PRELID2: variants seen among roughly 807,000 people sequenced by gnomAD.
The protein encoded by PRELID2 is PRELI domain-containing protein 2.
In PRELID2, 25 loss-of-function variants were observed where a neutral mutation model predicts 28.4. The observed-to-expected ratio is 0.88, with a 90% CI of 0.64 to 1.23. The LOEUF is 1.23. Among genes scored for constraint, PRELID2 ranks in the 50% most tolerant of loss-of-function variants. The probability of loss-of-function intolerance (pLI) is 0.00; values close to 1 mark genes in which losing one functional copy is unlikely to be tolerated. For synonymous variants in PRELID2, 76 were observed against 71.6 expected (o/e 1.06, Z -0.31); for missense variants, 201 against 214.4 (o/e 0.94, Z 0.39).
the PRELID2 span, among the ~76,000 whole-genome samples, chr5:145,261,625 G>A: frequency 5.4e-4 from 82 of 152,222 alleles, no homozygotes; most frequent in African/African-American, 1.7e-3. Context: ...AGGAATTCCC[G>A]TCCTTAAAGG....
At chr5:145,569,681 AAAGT>A (rs1753000679) in intron 1 of PRELID2, among the ~76,000 whole-genome samples, 1 of 152,258 alleles carries the variant, frequency 6.6e-6, no homozygotes, top group East Asian at 1.9e-4. Flanking sequence ...AGGGAGAAAG[AAAGT>A]ATTTGTTGAA....
At chr5:145,729,538 C>T (rs1421868096) in intron 1 of PRELID2, among the ~76,000 whole-genome samples, 1 of 152,056 alleles carries the variant, frequency 6.6e-6, no homozygotes. Context: ...TCACCCTCTA[C>T]ATAATAAATG....
At chr5:145,511,776 T>C (rs1472312211) in intron 1 of PRELID2, among the ~76,000 whole-genome samples, 2 of 152,186 alleles carry the variant, frequency 1.3e-5, no homozygotes, top group African/African-American at 4.8e-5. Context: ...GAAGACCACC[T>C]GGTAACAACT....
At chr5:145,711,632 G>T (rs1405855090) in intron 1 of PRELID2, among the ~76,000 whole-genome samples, 2 of 152,132 alleles carry the variant, frequency 1.3e-5, no homozygotes, top group Non-Finnish European at 2.9e-5. Flanking sequence ...CCCTGAGTTT[G>T]CAGGTGTGTA....
chr5:145,820,080 A>G, intron 2 of PRELID2, 62 bp from the exon 3 acceptor site: 1 of 1,025,672 alleles, frequency 9.7e-7, no homozygotes, highest in Admixed American at 2.3e-5. Flanking sequence ...TCTTAGTGTC[A>G]ATAAATCTTG....
chr5:145,413,908 T>C, the PRELID2 span, among the ~76,000 whole-genome samples: 6 of 152,220 alleles, frequency 3.9e-5, no homozygotes, highest in Non-Finnish European at 7.3e-5. Context: ...TATTTTATTG[T>C]GTCTATATAA....
At chr5:145,455,768 T>C in the PRELID2 span, among the ~76,000 whole-genome samples, 1 of 152,192 alleles carries the variant, frequency 6.6e-6, no homozygotes, top group African/African-American at 2.4e-5. Context: ...TGTATAGGAA[T>C]GCTTGTGATT....
chr5:145,450,281 C>A, the PRELID2 span, among the ~76,000 whole-genome samples: 7 of 152,244 alleles, frequency 4.6e-5, no homozygotes, highest in South Asian at 8.3e-4. Flanking sequence ...ACAGACACAA[C>A]TGAACTCAAG....
the PRELID2 span, among the ~76,000 whole-genome samples, chr5:145,352,398 GC>G: frequency 6.6e-6 from 1 of 152,156 alleles, no homozygotes; most frequent in Non-Finnish European, 1.5e-5. Context: ...TGAAGCAACA[GC>G]CTGAGCTGTA....
chr5:145,744,132 T>A (rs906541754), intron 1 of PRELID2, among the ~76,000 whole-genome samples: 17 of 152,152 alleles, frequency 1.1e-4, no homozygotes, highest in African/African-American at 4.1e-4. Context: ...CTGCAGGAAC[T>A]CCAGTAACTC....
At chr5:145,654,562 G>C (rs1754357633) in intron 1 of PRELID2, among the ~76,000 whole-genome samples, 1 of 152,168 alleles carries the variant, frequency 6.6e-6, no homozygotes, top group Non-Finnish European at 1.5e-5. Flanking sequence ...GATCAACTGG[G>C]CTTCAGCCCT....
At chr5:145,625,957 C>A (rs1359250688) in intron 1 of PRELID2, among the ~76,000 whole-genome samples, 1 of 152,114 alleles carries the variant, frequency 6.6e-6, no homozygotes, top group East Asian at 1.9e-4. Flanking sequence ...ATAAATGGTA[C>A]TTGGAAAATG....
chr5:145,647,360 C>T (rs908972141), intron 1 of PRELID2, among the ~76,000 whole-genome samples: 1 of 152,178 alleles, frequency 6.6e-6, no homozygotes, highest in Non-Finnish European at 1.5e-5. Context: ...ATGGTCGACG[C>T]ACCTCCCCCC....
At position 145,569,374 on chromosome 5, in the gene PRELID2, T is replaced by C. The variant is rs116569799; in HGVS notation, n.71-96059A>G. 4.8e-3 allele frequency among the ~76,000 whole-genome samples: 726 copies of C among 152,358 alleles called. 7 individuals are homozygous for C. The highest frequency in any genetic ancestry group is 0.017 in the African/African-American group (698 of 41,586). On this transcript the variant is annotated intron_variant and non_coding_transcript_variant, in intron 1 of 2. Transcript: ENST00000510259. ...TCTGGGTGGATCCAGCCCTTAATTG[T>C]AATTTTTAAAGGAATATAACATAAT...
chr5:145,251,241 G>A, the PRELID2 span, among the ~76,000 whole-genome samples: 1 of 152,048 alleles, frequency 6.6e-6, no homozygotes, highest in Non-Finnish European at 1.5e-5. Flanking sequence ...TCCAGGCTAG[G>A]ATCATATGGA....
At chr5:145,777,974 T>C (rs998210879) in intron 5 of PRELID2, among the ~76,000 whole-genome samples, 6 of 152,190 alleles carry the variant, frequency 3.9e-5, no homozygotes, top group Non-Finnish European at 7.4e-5. Context: ...GACAGGTTCC[T>C]GGACGGAAGG....
Position 145,697,033 on chromosome 5 carries a change from TTATATATATATATATATATATATATA to T in PRELID2, n.70+67872_70+67897del, listed in dbSNP as rs36117637. ...AGTGGATGTAGGAAAGAGAGGAAAA[TTATATATATATATATATATATATATA>T]TATATATATATATATATATATACAC... On this transcript the variant is annotated intron_variant and non_coding_transcript_variant, in intron 1 of 2. Coordinates refer to the PRELID2 transcript ENST00000510259. 2.8e-3 allele frequency among the ~76,000 whole-genome samples: 140 copies of T among 50,656 alleles called. 2 individuals are homozygous for T. In the East Asian group the frequency reaches 0.094, roughly 34 times the overall value. 33.2% of individuals were successfully genotyped at this position (50,656 alleles called of 152,430 possible). A position where few individuals can be genotyped will look rare whatever the true frequency, so the allele number is the denominator to read the frequency against.
the PRELID2 span, among the ~76,000 whole-genome samples, chr5:145,378,449 A>G: frequency 4.6e-5 from 7 of 152,294 alleles, no homozygotes; most frequent in African/African-American, 1.4e-4. Flanking sequence ...GTATCTTTAC[A>G]TAATCCCACA....
chr5:145,463,300 A>AAAC, the PRELID2 span, among the ~76,000 whole-genome samples: 2 of 148,584 alleles, frequency 1.3e-5, no homozygotes, highest in African/African-American at 4.9e-5. Context: ...TTTCAAAAGG[A>AAAC]TGTCTCCTAA....
Sources: gnomAD v4.1 joint callset for allele counts (sites outside exome capture counted in the v4.1 genomes callset) on GRCh38, gnomAD v4.1.1 for gene constraint, MANE v1.5 for transcripts, NCBI Gene and HGNC (gene_info 2026-07-23, HGNC 2026-07-21) for gene names.